The following ARID1B variants were observed in gnomAD, a reference collection of about 807,000 sequenced individuals.
ARID1B encodes AT-rich interactive domain-containing protein 1B.
ARID1B carries 30 observed loss-of-function variants against 212.3 expected under a neutral mutation model. The observed-to-expected ratio is 0.14, with a 90% confidence interval of 0.11 to 0.19. The LOEUF is 0.19. ARID1B is among the 10% of genes least tolerant of loss of function. The pLI is 1.00. For synonymous variants in ARID1B, 1,402 were observed against 1,301.7 expected, an observed-to-expected ratio of 1.08 and a Z score of -1.66; for missense variants, 2,891 against 3,204.0, an observed-to-expected ratio of 0.90 and a Z score of 2.36.
At chr6:156,800,863 C>G (rs1780731318) in intron 1 of ARID1B, among the ~76,000 whole-genome samples, 1 of 152,166 alleles carries the variant, frequency 6.6e-6, no homozygotes, top group African/African-American at 2.4e-5. Flanking sequence ...CCACTGCACT[C>G]TGGCCTGGGA....
In ARID1B at chr6:157,208,581, C is replaced by T; in HGVS notation, c.*690C>T. 1.3e-5 allele frequency: 3 copies of T among 233,060 alleles called. No individual in the cohort carries two copies. The highest frequency in any genetic ancestry group is 2.5e-5 in the Non-Finnish European group (3 of 117,702). 14.4% of individuals were successfully genotyped at this position (233,060 alleles called of 1,614,324 possible). ...CTCCTCACCACTCCCGTCATGCCTG[C>T]TGTCGGCGTTTGACCTTCCACGTGA... On this transcript the variant is annotated 3_prime_UTR_variant, in exon 20 of 20. Coordinates refer to ENST00000636930, the MANE Select transcript of ARID1B (RefSeq NM_001374828.1).
chr6:156,937,662 T>C (rs1792360200), intron 4 of ARID1B: 1 of 152,210 alleles, frequency 6.6e-6, no homozygotes, highest in Non-Finnish European at 1.5e-5. Context: ...GAGTTTGGTC[T>C]GGGATAGGAG....
intron 4 of ARID1B, among the ~76,000 whole-genome samples, chr6:157,030,054 C>T (rs1393225909): frequency 6.6e-6 from 1 of 152,184 alleles, no homozygotes; most frequent in Non-Finnish European, 1.5e-5. Flanking sequence ...AGAACAGCCA[C>T]CATTTATGTA....
chr6:156,962,226 C>T (rs1407149232), intron 4 of ARID1B, among the ~76,000 whole-genome samples: 1 of 151,930 alleles, frequency 6.6e-6, no homozygotes, highest in Admixed American at 6.5e-5. Flanking sequence ...GTGAACCCGG[C>T]GGGCGGAGCT....
At chr6:156,987,571 C>G (rs894603652) in intron 4 of ARID1B, among the ~76,000 whole-genome samples, 5 of 152,172 alleles carry the variant, frequency 3.3e-5, no homozygotes, top group African/African-American at 1.2e-4. Context: ...ACCTTGTGAT[C>G]CGCCCGCCTC....
At chr6:157,105,770 T>G (rs1786431427) in intron 5 of ARID1B, among the ~76,000 whole-genome samples, 1 of 151,968 alleles carries the variant, frequency 6.6e-6, no homozygotes, top group Non-Finnish European at 1.5e-5. Context: ...CCTGGCTAAT[T>G]TTTGTATTTT....
At chr6:157,039,347 G>A (rs1390381098) in intron 4 of ARID1B, among the ~76,000 whole-genome samples, 2 of 57,368 alleles carry the variant, frequency 3.5e-5, no homozygotes, top group African/African-American at 9.3e-5. Flanking sequence ...TTTTTGAGAC[G>A]GAGTCTCGCT....
chr6:156,853,134 G>C (rs554777061), intron 2 of ARID1B, among the ~76,000 whole-genome samples: 1 of 152,276 alleles, frequency 6.6e-6, no homozygotes, highest in Non-Finnish European at 1.5e-5. Context: ...GACTGGATTA[G>C]GAATTAGGAC....
At chr6:156,886,367 A>G (rs1787500910) in intron 2 of ARID1B, among the ~76,000 whole-genome samples, 1 of 152,144 alleles carries the variant, frequency 6.6e-6, no homozygotes, top group Admixed American at 6.5e-5. Context: ...TAACAATTTT[A>G]GTTTTTAAAA....
rs139125255 is a variant in ARID1B at position 156,935,534 on chromosome 6, A to T, written c.2205A>T (p.Glu735Asp). ...PPLAPGKPNHEDLNLIQQERP... is the reference protein window; with the variant it reads ...PPLAPGKPNHDDLNLIQQERP... ...TGGCCCCCGGAAAACCTAACCATGA[A>T]GACTTGAACTTAATACAGCAAGAAA... The change falls in exon 4 of 20, where the codon GAA becomes GAT. Residue 735 changes from glutamate to aspartate, a missense_variant. Glu to Asp is a conservative substitution (Grantham distance 45). Coordinates refer to ENST00000636930, the MANE Select transcript of ARID1B (RefSeq NM_001374828.1). 2.2e-4 allele frequency: 355 copies of T among 1,613,946 alleles called. 2 individuals carry two copies. Among genetic ancestry groups the T allele is most frequent in the Middle Eastern group, 1.5e-3 (9 of 6,062 alleles).
chr6:156,937,341 T>C (rs138619208), intron 4 of ARID1B: 17 of 152,326 alleles, frequency 1.1e-4, no homozygotes, highest in African/African-American at 3.8e-4. Context: ...AAACAGTGAA[T>C]TCCACTTTTT....
chr6:156,865,746 T>C (rs1448999277), intron 2 of ARID1B, among the ~76,000 whole-genome samples: 1 of 152,142 alleles, frequency 6.6e-6, no homozygotes, highest in Non-Finnish European at 1.5e-5. Context: ...ATTTCAATTA[T>C]ATTTCTAATT....
intron 4 of ARID1B, among the ~76,000 whole-genome samples, chr6:156,991,159 T>A (rs1331236591): frequency 6.6e-6 from 1 of 152,234 alleles, no homozygotes; most frequent in East Asian, 1.9e-4. Flanking sequence ...CCTGGCAGTC[T>A]GGGCCTGCAG....
intron 4 of ARID1B, chr6:156,941,769 A>G (rs940023227): frequency 1.3e-5 from 2 of 152,240 alleles, no homozygotes; most frequent in African/African-American, 4.8e-5. Context: ...AAATTCAATA[A>G]AACCTTAACA....
chr6:156,983,731 A>G (rs926634246), intron 4 of ARID1B, among the ~76,000 whole-genome samples: 2 of 151,504 alleles, frequency 1.3e-5, no homozygotes, highest in Non-Finnish European at 2.9e-5. Flanking sequence ...TGTGAGCCCT[A>G]CTCGTTTCTG....
chr6:157,122,920 G>A (rs1787840710), intron 6 of ARID1B, among the ~76,000 whole-genome samples: 2 of 152,096 alleles, frequency 1.3e-5, no homozygotes, highest in South Asian at 4.1e-4. Flanking sequence ...GACCTCAGGT[G>A]ATCCACCCGC....
At chr6:157,115,019 G>A (rs960394747) in intron 6 of ARID1B, among the ~76,000 whole-genome samples, 1 of 152,200 alleles carries the variant, frequency 6.6e-6, no homozygotes, top group African/African-American at 2.4e-5. Context: ...GTGTGTCAGA[G>A]GTTCTGCAAA....
At chr6:157,002,261 G>T (rs1024148187) in intron 4 of ARID1B, among the ~76,000 whole-genome samples, 6 of 152,030 alleles carry the variant, frequency 3.9e-5, no homozygotes, top group Non-Finnish European at 8.8e-5. Context: ...TTATCATTTT[G>T]TGTTCATTTT....
At chr6:157,133,502 C>G (rs974932945) in intron 7 of ARID1B, among the ~76,000 whole-genome samples, 1 of 152,156 alleles carries the variant, frequency 6.6e-6, no homozygotes, top group Non-Finnish European at 1.5e-5. Flanking sequence ...TGGTTCTAAA[C>G]GTAGAGAAAA....
Sources: gnomAD v4.1 joint callset for allele counts (sites outside exome capture counted in the v4.1 genomes callset) on GRCh38, gnomAD v4.1.1 for gene constraint, MANE v1.5 for transcripts, NCBI Gene and HGNC (gene_info 2026-07-23, HGNC 2026-07-21) for gene names.